The following MICAL3 variants were observed in gnomAD, a reference collection of about 807,000 sequenced individuals.
MICAL3 encodes the protein [F-actin]-monooxygenase MICAL3.
In MICAL3, 62 loss-of-function variants were observed where a neutral mutation model predicts 207.4. The observed-to-expected ratio is 0.30, with a 90% CI of 0.24 to 0.37. MICAL3 has a LOEUF of 0.37. MICAL3 is among the 10% of genes least tolerant of loss of function. The pLI, the probability that MICAL3 is intolerant of heterozygous loss-of-function variation, is 1.00. For synonymous variants in MICAL3, 1,077 were observed against 1,069.3 expected, an observed-to-expected ratio of 1.01 and a Z score of -0.14; for missense variants, 2,368 against 2,635.6, an observed-to-expected ratio of 0.90 and a Z score of 2.22.
chr22:17,803,177 T>C (rs1400967038), intron 29 of MICAL3, among the ~76,000 whole-genome samples: 1 of 152,052 alleles, frequency 6.6e-6, no homozygotes, highest in African/African-American at 2.4e-5. Context: ...GACCACACTT[T>C]GAGAACCACG....
Position 17,827,730 on chromosome 22 carries a change from A to T in MICAL3, c.3107T>A (p.Ile1036Asn). The change falls in exon 22 of 32, where the codon ATC becomes AAC. Residue 1036 changes from isoleucine to asparagine, a missense_variant. Physicochemically the swap from Ile to Asn is moderately radical, Grantham distance 149. This residue lies in a region of MICAL3 where 1,770 missense variants were observed against 1,863.2 expected (regional missense o/e 0.95). Transcript: ENST00000441493. Reference protein sequence around the residue: ...QVMHAADPLEIQADVHWTHIR... With the variant: ...QVMHAADPLENQADVHWTHIR... ...ATGAGTCCAGTGCACGTCAGCCTGG[A>T]TCTCCAGAGGATCCGCCGCGTGCAT... 2 of 1,571,122 alleles carry T rather than the reference A, an allele frequency of 1.3e-6. No homozygotes were observed. The highest frequency in any genetic ancestry group is 1.7e-6 in the Non-Finnish European group (2 of 1,158,388).
intron 17 of MICAL3, among the ~76,000 whole-genome samples, chr22:17,871,629 C>T (rs1156503527): frequency 6.6e-6 from 1 of 152,224 alleles, no homozygotes. Context: ...ATGCCATTCT[C>T]ATCAGCCTGG....
chr22:17,801,184 G>A (rs1271214772), intron 29 of MICAL3, among the ~76,000 whole-genome samples: 1 of 43,304 alleles, frequency 2.3e-5, no homozygotes, highest in Non-Finnish European at 3.5e-5. Flanking sequence ...ACGGAGTCTC[G>A]CTCTGTCGCC....
intron 21 of MICAL3, among the ~76,000 whole-genome samples, chr22:17,829,902 G>C (rs1453097448): frequency 6.6e-6 from 1 of 151,980 alleles, no homozygotes; most frequent in Non-Finnish European, 1.5e-5. Flanking sequence ...TGACTGTCTG[G>C]GCAGGCTGGG....
chr22:17,822,355 A>G (rs1290347953), intron 23 of MICAL3, among the ~76,000 whole-genome samples, 185 bp from the exon 24 acceptor site: 1 of 152,260 alleles, frequency 6.6e-6, no homozygotes, highest in Non-Finnish European at 1.5e-5. Flanking sequence ...GGCCCGGCCA[A>G]GAGCACCCTC....
chr22:17,979,561 C>T (rs1013320060), intron 1 of MICAL3, among the ~76,000 whole-genome samples: 16 of 152,034 alleles, frequency 1.1e-4, no homozygotes, highest in African/African-American at 3.9e-4. Context: ...AGTATGTAAA[C>T]GTTGGTAAAA....
chr22:17,803,306 G>A (rs1238806573), intron 29 of MICAL3, among the ~76,000 whole-genome samples: 3 of 152,110 alleles, frequency 2.0e-5, no homozygotes, highest in East Asian at 1.9e-4. Context: ...TGGTGACTCC[G>A]GGCAGAAATC....
intron 1 of MICAL3, among the ~76,000 whole-genome samples, chr22:17,960,953 AG>A (rs1475319920): frequency 2.0e-5 from 3 of 152,120 alleles, no homozygotes; most frequent in Non-Finnish European, 4.4e-5. Context: ...GGGACCTGGT[AG>A]GCCACCTGGC....
At chr22:17,921,779 G>A (rs142211836) in intron 1 of MICAL3, among the ~76,000 whole-genome samples, 7 of 152,158 alleles carry the variant, frequency 4.6e-5, no homozygotes, top group African/African-American at 1.2e-4. Flanking sequence ...ATGAGCCACC[G>A]CGCCCGGCTA....
At chr22:17,805,324 G>A (rs116071535) in intron 29 of MICAL3, among the ~76,000 whole-genome samples, 9,003 of 152,042 alleles carry the variant, frequency 0.059, 522 homozygotes, top group East Asian at 0.17. Context: ...CTTCAGAGAC[G>A]GCATCGGCCA....
At chr22:17,963,685 C>T (rs576496815) in intron 1 of MICAL3, among the ~76,000 whole-genome samples, 1 of 152,274 alleles carries the variant, frequency 6.6e-6, no homozygotes, top group African/African-American at 2.4e-5. Context: ...CCACAAACTT[C>T]GCAAGTGGAT....
chr22:17,824,104 CCA>C, intron 22 of MICAL3, among the ~76,000 whole-genome samples: 1 of 152,264 alleles, frequency 6.6e-6, no homozygotes, highest in South Asian at 2.1e-4. Context: ...TCCCCACCTC[CCA>C]CACTCCGAAC....
chr22:17,922,625 C>CA (rs1932827569), intron 1 of MICAL3, among the ~76,000 whole-genome samples: 2 of 152,154 alleles, frequency 1.3e-5, no homozygotes, highest in Admixed American at 6.5e-5. Context: ...CTCATGCCCA[C>CA]AGGCTTCTTA....
chr22:18,015,602 G>A (rs941093868), intron 1 of MICAL3, among the ~76,000 whole-genome samples: 1 of 151,754 alleles, frequency 6.6e-6, no homozygotes, highest in Non-Finnish European at 1.5e-5. Flanking sequence ...TAGTAGAGAC[G>A]GGGTTTCACC....
intron 15 of MICAL3, 46 bp downstream of exon 15, chr22:17,887,124 G>A (rs767870305): frequency 6.9e-7 from 1 of 1,457,468 alleles, no homozygotes; most frequent in South Asian, 1.2e-5. Context: ...AACCAAAAGG[G>A]GCTATTCCAC....
intron 1 of MICAL3, among the ~76,000 whole-genome samples, chr22:18,022,218 T>G: frequency 6.6e-6 from 1 of 152,124 alleles, no homozygotes. Context: ...ACCCCCAGTC[T>G]GCAACAGTAC....
chr22:17,820,602 C>G (rs537127019), intron 25 of MICAL3, among the ~76,000 whole-genome samples: 1 of 152,288 alleles, frequency 6.6e-6, no homozygotes, highest in East Asian at 1.9e-4. Context: ...GATCTGCCTG[C>G]CTTGGCCTCC....
chr22:17,923,465 C>T (rs1932845536), intron 1 of MICAL3, among the ~76,000 whole-genome samples: 1 of 152,154 alleles, frequency 6.6e-6, no homozygotes, highest in Admixed American at 6.5e-5. Flanking sequence ...TAAGATTAGC[C>T]AGTGTAGAGC....
intron 1 of MICAL3, chr22:17,980,828 C>T (rs1317888290): frequency 7.9e-6 from 4 of 505,554 alleles, no homozygotes; most frequent in Non-Finnish European, 1.7e-5. Context: ...CGCCCAGATG[C>T]GGCTGTGCTG....
Sources: allele counts gnomAD v4.1 joint callset (sites outside exome capture counted in the v4.1 genomes callset), GRCh38; gene constraint gnomAD v4.1.1; regional missense constraint gnomAD v4.1.1; transcripts MANE v1.5; gene names NCBI Gene and HGNC (gene_info 2026-07-23, HGNC 2026-07-21).